Variants in PDCD10 observed in about 807,000 individuals in gnomAD.
PDCD10 encodes the protein programmed cell death 10.
Under a neutral mutation model 29.2 loss-of-function variants are expected in PDCD10, and 4 were observed. That is an observed-to-expected ratio of 0.14 (90% confidence interval 0.07 to 0.31). The LOEUF is 0.31. Ranked by LOEUF, PDCD10 falls within the 10% of genes least tolerant of loss-of-function variation. The probability of loss-of-function intolerance (pLI) is 1.00; values close to 1 mark genes in which losing one functional copy is unlikely to be tolerated. For synonymous variants in PDCD10, 70 were observed against 82.2 expected (o/e 0.85, Z 0.80); for missense variants, 183 against 257.9 (o/e 0.71, Z 1.99).
At chr3:167,718,070 G>A (rs1360502155) in intron 3 of PDCD10, among the ~76,000 whole-genome samples, 1 of 152,162 alleles carries the variant, frequency 6.6e-6, no homozygotes. Context: ...AAAAGAAAGA[G>A]TGTCTCTGGG....
intron 2 of PDCD10, among the ~76,000 whole-genome samples, chr3:167,732,397 T>A (rs1196003544): frequency 6.6e-6 from 1 of 152,124 alleles, no homozygotes; most frequent in Non-Finnish European, 1.5e-5. Flanking sequence ...AAAGCTGACA[T>A]AAGGCTCCTG....
chr3:167,702,394 C>T (rs746817163), intron 4 of PDCD10, among the ~76,000 whole-genome samples: 3 of 152,114 alleles, frequency 2.0e-5, no homozygotes, highest in Non-Finnish European at 4.4e-5. Context: ...ACTTTCTTTT[C>T]TGTGACTTTA....
At chr3:167,698,783 A>G (rs886366439) in intron 4 of PDCD10, among the ~76,000 whole-genome samples, 1 of 152,188 alleles carries the variant, frequency 6.6e-6, no homozygotes, top group African/African-American at 2.4e-5. Context: ...AAAGAAAAGC[A>G]TATCTCTGAT....
intron 1 of PDCD10, 27 bp from the exon 2 acceptor site, chr3:167,734,377 C>G: frequency 6.6e-6 from 1 of 152,546 alleles, no homozygotes; most frequent in East Asian, 1.9e-4. Flanking sequence ...CGAGTCACCC[C>G]CAAGAGCCGA....
intron 2 of PDCD10, chr3:167,730,932 G>C (rs957627089): frequency 1.3e-5 from 2 of 151,980 alleles, no homozygotes; most frequent in Non-Finnish European, 1.5e-5. Context: ...TCTAAATCAA[G>C]TGATATTAAA....
intron 3 of PDCD10, among the ~76,000 whole-genome samples, chr3:167,711,064 G>A (rs1424841192): frequency 1.3e-5 from 2 of 152,104 alleles, no homozygotes; most frequent in Non-Finnish European, 2.9e-5. Context: ...GCAAAAACAA[G>A]CCCAGACTGC....
intron 5 of PDCD10, 125 bp downstream of exon 5, chr3:167,696,884 A>G: frequency 1.4e-6 from 1 of 739,754 alleles, no homozygotes. Flanking sequence ...CACCATCATC[A>G]TCATAAGTGA....
At chr3:167,723,456 T>C (rs1382402003) in intron 2 of PDCD10, among the ~76,000 whole-genome samples, 3 of 152,128 alleles carry the variant, frequency 2.0e-5, no homozygotes, top group African/African-American at 4.8e-5. Flanking sequence ...ATTATGCACA[T>C]ACAGAAAACT....
chr3:167,731,651 C>G (rs948783280), intron 2 of PDCD10, among the ~76,000 whole-genome samples: 34 of 152,122 alleles, frequency 2.2e-4, no homozygotes, highest in African/African-American at 7.7e-4. Flanking sequence ...CCAGGTACTG[C>G]GTAAGTAGTG....
chr3:167,686,274 T>C (rs1214910332), intron 8 of PDCD10, among the ~76,000 whole-genome samples: 2 of 152,220 alleles, frequency 1.3e-5, no homozygotes, highest in African/African-American at 2.4e-5. Context: ...TGGTTTTCTA[T>C]AGTGCATCAC....
chr3:167,711,143 A>G (rs1035458867), intron 3 of PDCD10, among the ~76,000 whole-genome samples: 4 of 152,182 alleles, frequency 2.6e-5, no homozygotes. Context: ...CATCAAGACC[A>G]TCCAGAAAAA....
chr3:167,705,441 T>C (rs1349336598), intron 3 of PDCD10, among the ~76,000 whole-genome samples: 1 of 152,192 alleles, frequency 6.6e-6, no homozygotes, highest in Non-Finnish European at 1.5e-5. Context: ...ACAAACCTTA[T>C]GAACATATAT....
chr3:167,732,930 T>C (rs1177042446), intron 2 of PDCD10, among the ~76,000 whole-genome samples: 1 of 152,242 alleles, frequency 6.6e-6, no homozygotes, highest in Non-Finnish European at 1.5e-5. Context: ...TCCATTTGTT[T>C]AACTGGGTCT....
At chr3:167,725,263 G>GAAAAA (rs57762503) in intron 2 of PDCD10, 9 of 30,186 alleles carry the variant, frequency 3.0e-4, no homozygotes, top group South Asian at 9.5e-4. Flanking sequence ...TCTCAAAAAA[G>GAAAAA]AAAAAAAAAA....
intron 3 of PDCD10, among the ~76,000 whole-genome samples, chr3:167,705,841 C>T (rs1721917832): frequency 6.6e-6 from 1 of 152,070 alleles, no homozygotes; most frequent in South Asian, 2.1e-4. Flanking sequence ...AAAAAGTTTC[C>T]TACTTCCAAG....
intron 2 of PDCD10, chr3:167,731,073 G>A (rs1376999976): frequency 2.0e-5 from 3 of 152,054 alleles, no homozygotes; most frequent in African/African-American, 4.8e-5. Flanking sequence ...CAGTACCAAC[G>A]TTCTGGAAAC....
At chr3:167,716,062 T>C (rs1344902444) in intron 3 of PDCD10, among the ~76,000 whole-genome samples, 1 of 151,972 alleles carries the variant, frequency 6.6e-6, no homozygotes, top group Non-Finnish European at 1.5e-5. Flanking sequence ...GTGGTACACA[T>C]ACACAATGGA....
At chr3:167,728,554 A>AT (rs1277197136) in intron 2 of PDCD10, among the ~76,000 whole-genome samples, 3 of 152,160 alleles carry the variant, frequency 2.0e-5, no homozygotes, top group Non-Finnish European at 4.4e-5. Context: ...ACAATCATTT[A>AT]TTTTTCTATC....
chr3:167,727,349 T>C (rs1406932555), intron 2 of PDCD10, among the ~76,000 whole-genome samples: 1 of 152,244 alleles, frequency 6.6e-6, no homozygotes, highest in African/African-American at 2.4e-5. Context: ...ATCTCTTTAG[T>C]TGTGACAATC....
Sources: allele counts gnomAD v4.1 joint callset (sites outside exome capture counted in the v4.1 genomes callset), GRCh38; gene constraint gnomAD v4.1.1; transcripts MANE v1.5; gene names NCBI Gene and HGNC (gene_info 2026-07-23, HGNC 2026-07-21).